Variants in SYK observed in about 807,000 individuals in gnomAD.
The protein encoded by SYK is spleen associated tyrosine kinase.
SYK carries 16 observed loss-of-function variants against 77.8 expected under a neutral mutation model. The ratio of observed to expected loss-of-function variants is 0.21; its 90% CI spans 0.14 to 0.31. The LOEUF is 0.31. Among genes scored for constraint, SYK ranks in the 10% least tolerant of loss-of-function variants. The pLI is 1.00. For missense variants in SYK, 529 were observed against 814.4 expected (o/e 0.65, Z 4.26); for synonymous variants, 312 against 308.7 (o/e 1.01, Z -0.11).
intron 11 of SYK, 121 bp from the exon 12 acceptor site, chr9:90,887,628 C>G: frequency 1.8e-6 from 2 of 1,134,408 alleles, no homozygotes; most frequent in South Asian, 2.1e-5. Flanking sequence ...GTCTCAAGCT[C>G]CCGATCTCAA....
At chr9:90,831,037 G>A (rs934381213) in intron 1 of SYK, among the ~76,000 whole-genome samples, 3 of 152,166 alleles carry the variant, frequency 2.0e-5, no homozygotes, top group Non-Finnish European at 2.9e-5. Context: ...AGCGTGATAA[G>A]CCTGGATATC....
intron 1 of SYK, among the ~76,000 whole-genome samples, chr9:90,823,740 G>T (rs887747855): frequency 1.3e-5 from 2 of 152,036 alleles, no homozygotes; most frequent in Admixed American, 1.3e-4. Context: ...TTGGAATGTA[G>T]CAAAAGCAGT....
intron 3 of SYK, among the ~76,000 whole-genome samples, 183 bp from the exon 4 acceptor site, chr9:90,862,023 G>T (rs1415865243): frequency 1.3e-5 from 2 of 152,182 alleles, no homozygotes; most frequent in African/African-American, 4.8e-5. Context: ...GTGGTAAACT[G>T]GGCCTTCCTG....
In SYK at chr9:90,844,003, T is replaced by G. The variant is rs2118630296; in HGVS notation, c.105T>G (p.Ser35Arg). 2 of 1,610,774 alleles carry G rather than the reference T, an allele frequency of 1.2e-6. No individual in the cohort carries two copies. Among genetic ancestry groups the G allele is most frequent in the Non-Finnish European group, 1.7e-6 (2 of 1,178,456 alleles). The change falls in exon 2 of 14, where the codon AGT becomes AGG. Residue 35 changes from serine to arginine, a missense_variant. Coordinates refer to ENST00000375754, the MANE Select transcript of SYK (RefSeq NM_003177.7). The stretch of plus-strand genomic sequence containing the variant: ...ATTACCTGGTCCAGGGGGGCATGAG[T>G]GATGGGCTTTATTTGCTGCGCCAGA... ...AEDYLVQGGM[S>R]DGLYLLRQSR...
chr9:90,883,972 C>T (rs998711074), intron 11 of SYK, among the ~76,000 whole-genome samples: 2 of 152,094 alleles, frequency 1.3e-5, no homozygotes, highest in African/African-American at 2.4e-5. Flanking sequence ...GACTGGCCCA[C>T]CTAGCATCCT....
At chr9:90,884,148 T>A (rs922909661) in intron 11 of SYK, among the ~76,000 whole-genome samples, 3 of 96,356 alleles carry the variant, frequency 3.1e-5, no homozygotes, top group African/African-American at 1.3e-4. Context: ...TATATATGTG[T>A]GTGTGTATAT....
intron 1 of SYK, among the ~76,000 whole-genome samples, chr9:90,805,648 GTCT>G (rs1156265798): frequency 2.6e-5 from 4 of 152,158 alleles, no homozygotes; most frequent in Admixed American, 1.3e-4. Flanking sequence ...CCATTGGTTT[GTCT>G]TAACTGATAA....
rs762096925 is a variant in SYK, at chr9:90,878,811, T to C, written c.1439T>C (p.Met480Thr). ...NIIELVHQVS[M>T]GMKYLEESNF... ...ATAGAACTGGTTCATCAGGTTTCCA[T>C]GGGCATGAAGTACTTGGAGGAGAGC... Residue 480 changes from methionine (M) to threonine (T), a missense_variant, in exon 11 of 14, where the codon ATG becomes ACG. Around this residue, in one of 2 missense-constraint regions of SYK, gnomAD observed 208 missense variants for 381.3 expected, o/e 0.55. Coordinates refer to ENST00000375754, the MANE Select transcript of SYK (RefSeq NM_003177.7). The C allele has an allele frequency of 3.7e-6, 6 of 1,614,024 alleles. No homozygotes were observed. In the Admixed American group the frequency reaches 8.3e-5, roughly 22 times the overall value.
chr9:90,805,242 CTG>C (rs1824776651), intron 1 of SYK, among the ~76,000 whole-genome samples: 1 of 152,158 alleles, frequency 6.6e-6, no homozygotes, highest in African/African-American at 2.4e-5. Context: ...CTGAGGAGTA[CTG>C]TGAGCTTTCT....
At position 90,897,548 on chromosome 9, in the gene SYK, A is replaced by T. The variant is rs941311151; in HGVS notation, c.*1948A>T. 4 of 231,214 alleles carry T rather than the reference A, an allele frequency of 1.7e-5. No homozygotes were observed. The highest frequency in any genetic ancestry group is 3.4e-5 in the Non-Finnish European group (4 of 116,804). 14.3% of individuals were successfully genotyped at this position (231,214 alleles called of 1,614,324 possible). ...GCTTCCTTCTGTAACTTCCAGAGGG[A>T]GTCTTCAACACAGGCCCCGTGCTCG... On this transcript the variant is annotated 3_prime_UTR_variant, in exon 14 of 14. Transcript: ENST00000375754.
rs775693614 is a variant in SYK, at chr9:90,888,741, G to A, written c.1835+114G>A. The A allele has an allele frequency of 2.2e-4, 177 of 817,792 alleles. 1 individual carries two copies. The highest frequency in any genetic ancestry group is 1.2e-3 in the Middle Eastern group (5 of 4,276). 50.7% of individuals were successfully genotyped at this position (817,792 alleles called of 1,614,324 possible). On this transcript the variant is annotated intron_variant, in intron 13 of 13. Coordinates refer to ENST00000375754, the MANE Select transcript of SYK (RefSeq NM_003177.7). Reference sequence around the variant, plus strand: ...CTTTTCATGAATCAGGAATGTGCCCGCTTTCTAAACAAACAACGGTGGGGG... The same window carrying A: ...CTTTTCATGAATCAGGAATGTGCCCACTTTCTAAACAAACAACGGTGGGGG...
intron 9 of SYK, among the ~76,000 whole-genome samples, chr9:90,875,959 G>T (rs994152544): frequency 1.3e-5 from 2 of 152,092 alleles, no homozygotes; most frequent in Admixed American, 1.3e-4. Flanking sequence ...ATGATTCAAG[G>T]GTTAAAAATA....
Position 90,854,283 on chromosome 9 carries a change from C to T in SYK, c.579-7923C>T, listed in dbSNP as rs191358483. On this transcript the variant is annotated intron_variant, in intron 3 of 13. Transcript: ENST00000375754. Reference sequence around the variant, plus strand: ...GGAGCAGGGGCGGCTGCTCTGACGGCTCACAGCAGGAGAGGCACCTGGAGA... The same window carrying T: ...GGAGCAGGGGCGGCTGCTCTGACGGTTCACAGCAGGAGAGGCACCTGGAGA... Among the ~76,000 whole-genome samples the T allele has an allele frequency of 4.3e-4, 66 of 152,290 alleles. 1 individual carries two copies. Among genetic ancestry groups the T allele is most frequent in the Admixed American group, 4.3e-3 (65 of 15,294 alleles).
At chr9:90,802,687 T>C (rs1826775028) in intron 1 of SYK, among the ~76,000 whole-genome samples, 1 of 151,944 alleles carries the variant, frequency 6.6e-6, no homozygotes, top group Non-Finnish European at 1.5e-5. Context: ...AGAAAGACAA[T>C]TGGAGAAGTG....
chr9:90,838,401 A>C (rs1047404521), intron 1 of SYK, among the ~76,000 whole-genome samples: 1 of 152,238 alleles, frequency 6.6e-6, no homozygotes, highest in Non-Finnish European at 1.5e-5. Context: ...GAGAAAAATT[A>C]GGCAGGGAAG....
intron 1 of SYK, among the ~76,000 whole-genome samples, chr9:90,813,019 CA>C (rs1825150794): frequency 6.6e-6 from 1 of 152,068 alleles, no homozygotes; most frequent in Admixed American, 6.5e-5. Flanking sequence ...TGACCTGTAA[CA>C]TTTTCTACAC....
intron 13 of SYK, among the ~76,000 whole-genome samples, chr9:90,890,357 G>A (rs1828741878): frequency 6.6e-6 from 1 of 152,210 alleles, no homozygotes; most frequent in African/African-American, 2.4e-5. Context: ...TTCCAGAGTG[G>A]TCCACCAGGG....
At chr9:90,808,263 G>A (rs1368031083) in intron 1 of SYK, among the ~76,000 whole-genome samples, 1 of 152,178 alleles carries the variant, frequency 6.6e-6, no homozygotes, top group Middle Eastern at 3.4e-3. Context: ...GCAAGCAGGT[G>A]GTTAATTTCC....
At chr9:90,855,254 G>A (rs1826983187) in intron 3 of SYK, among the ~76,000 whole-genome samples, 2 of 152,172 alleles carry the variant, frequency 1.3e-5, no homozygotes, top group South Asian at 4.1e-4. Context: ...CTTATACTGA[G>A]TCCCACTTGC....
Sources: allele counts gnomAD v4.1 joint callset (sites outside exome capture counted in the v4.1 genomes callset), GRCh38; gene constraint gnomAD v4.1.1; regional missense constraint gnomAD v4.1.1; transcripts MANE v1.5; gene names NCBI Gene and HGNC (gene_info 2026-07-23, HGNC 2026-07-21).